NRXN1: variants seen among roughly 807,000 people sequenced by gnomAD.
The protein encoded by NRXN1 is neurexin 1.
NRXN1 carries 39 observed loss-of-function variants against 150.9 expected under a neutral mutation model. The observed-to-expected ratio is 0.26, with a 90% CI of 0.20 to 0.34. The LOEUF is 0.34. NRXN1 is among the 10% of genes least tolerant of loss of function. The pLI is 1.00. For missense variants in NRXN1, 1,815 were observed against 1,949.9 expected, an observed-to-expected ratio of 0.93 and a Z score of 1.30; for synonymous variants, 924 against 757.0, an observed-to-expected ratio of 1.22 and a Z score of -3.62.
chr2:50,166,953 C>G (rs2059725630), intron 18 of NRXN1, among the ~76,000 whole-genome samples: 1 of 152,094 alleles, frequency 6.6e-6, no homozygotes, highest in Admixed American at 6.6e-5. Context: ...AGGATGGAGG[C>G]TCGGCACCAA....
intron 17 of NRXN1, among the ~76,000 whole-genome samples, chr2:50,364,818 A>T (rs1458663688): frequency 1.3e-5 from 2 of 151,994 alleles, no homozygotes; most frequent in East Asian, 3.9e-4. Flanking sequence ...ATTAGATAGT[A>T]CCCTCTTTTG....
intron 17 of NRXN1, among the ~76,000 whole-genome samples, chr2:50,303,406 C>G (rs1042879083): frequency 6.6e-6 from 1 of 152,130 alleles, no homozygotes; most frequent in Non-Finnish European, 1.5e-5. Flanking sequence ...TTAATTGAAA[C>G]TCATGTAAGT....
At chr2:50,460,659 C>A (rs940774208) in intron 17 of NRXN1, among the ~76,000 whole-genome samples, 1 of 152,044 alleles carries the variant, frequency 6.6e-6, no homozygotes, top group African/African-American at 2.4e-5. Flanking sequence ...TTACATTTCT[C>A]TGTCATACAT....
rs2088727727 is a variant in NRXN1, at chr2:50,465,482, G to C, written c.3324C>G (p.Asp1108Glu). ...CLQQWDGFSC[D>E]CSMTSFSGPL... is the part of the protein sequence containing the mutation. ...GTCCACTGAAGGAAGTCATACTACA[G>C]TCACAGCTGAAGCCATCCCATTGTT... The change falls in exon 17 of 23, where the codon GAC becomes GAG. Residue 1108 changes from aspartate to glutamate, a missense_variant. Around this residue, in one of 6 missense-constraint regions of NRXN1, gnomAD observed 339 missense variants for 440.3 expected, o/e 0.77. Transcript: ENST00000401669. The C allele has an allele frequency of 6.2e-7, 1 of 1,610,700 alleles. No individual in the cohort carries two copies. The highest frequency in any genetic ancestry group is 8.5e-7 in the Non-Finnish European group (1 of 1,178,034).
chr2:50,256,320 A>T (rs549596365), intron 17 of NRXN1, among the ~76,000 whole-genome samples: 34 of 152,274 alleles, frequency 2.2e-4, no homozygotes, highest in Non-Finnish European at 1.6e-4. Context: ...GCATTAGAAC[A>T]ATAGTTGGTT....
At chr2:50,088,757 A>AT (rs1180390735) in intron 19 of NRXN1, among the ~76,000 whole-genome samples, 3 of 148,266 alleles carry the variant, frequency 2.0e-5, no homozygotes, top group Non-Finnish European at 2.9e-5. Context: ...ATGTACAAAT[A>AT]TTTTTTTCAA....
chr2:50,241,228 AAT>A (rs1196606496), intron 17 of NRXN1, among the ~76,000 whole-genome samples: 1 of 151,468 alleles, frequency 6.6e-6, no homozygotes, highest in African/African-American at 2.4e-5. Context: ...CAAAAAAAAA[AAT>A]CACTTGACCA....
intron 21 of NRXN1, among the ~76,000 whole-genome samples, chr2:50,038,703 TA>T (rs1317106315): frequency 1.3e-5 from 2 of 152,070 alleles, no homozygotes; most frequent in African/African-American, 4.8e-5. Flanking sequence ...AATAACCACC[TA>T]AAATATAGAA....
intron 9 of NRXN1, among the ~76,000 whole-genome samples, chr2:50,542,942 T>G (rs1322850759): frequency 6.6e-6 from 1 of 152,256 alleles, no homozygotes; most frequent in African/African-American, 2.4e-5. Context: ...GTGTGCTTAT[T>G]TTATTAAAAT....
intron 2 of NRXN1, among the ~76,000 whole-genome samples, chr2:50,939,592 CAAGAATAAGCAAGGTATTT>C (rs1558457250): frequency 6.6e-6 from 1 of 151,970 alleles, no homozygotes; most frequent in Non-Finnish European, 1.5e-5. Flanking sequence ...TGATAAACTT[CAAGAATAAGCAAGGTATTT>C]AAGATGGCAT....
At chr2:49,929,630 C>A (rs1336427547) in intron 22 of NRXN1, among the ~76,000 whole-genome samples, 2 of 152,146 alleles carry the variant, frequency 1.3e-5, no homozygotes, top group African/African-American at 2.4e-5. Context: ...AAGAGTTCAA[C>A]CTTTATGCCT....
At chr2:50,699,125 G>A (rs1693371957) in intron 5 of NRXN1, among the ~76,000 whole-genome samples, 1 of 152,112 alleles carries the variant, frequency 6.6e-6, no homozygotes, top group Non-Finnish European at 1.5e-5. Context: ...CAAAATGATA[G>A]CAGGATCTAG....
intron 20 of NRXN1, among the ~76,000 whole-genome samples, chr2:50,054,365 A>G (rs1222441622): frequency 6.6e-6 from 1 of 152,178 alleles, no homozygotes; most frequent in Non-Finnish European, 1.5e-5. Flanking sequence ...CATTATCATC[A>G]AATTGAGTAT....
intron 5 of NRXN1, among the ~76,000 whole-genome samples, chr2:50,828,438 G>A (rs1266752025): frequency 1.6e-4 from 25 of 151,612 alleles, no homozygotes; most frequent in African/African-American, 2.4e-4. Context: ...CAGACGGGGC[G>A]GCTGCCGGGC....
At chr2:50,034,579 T>C (rs895586318) in intron 21 of NRXN1, among the ~76,000 whole-genome samples, 1 of 151,880 alleles carries the variant, frequency 6.6e-6, no homozygotes, top group African/African-American at 2.4e-5. Context: ...ATAGTCTGTA[T>C]AACCAACCCC....
intron 5 of NRXN1, among the ~76,000 whole-genome samples, chr2:50,877,702 T>C (rs537624126): frequency 4.6e-5 from 7 of 152,086 alleles, no homozygotes; most frequent in African/African-American, 1.7e-4. Flanking sequence ...GTAATATGCA[T>C]GTGAAGAGTT....
At chr2:50,900,186 C>T (rs1259483280) in intron 5 of NRXN1, among the ~76,000 whole-genome samples, 1 of 152,186 alleles carries the variant, frequency 6.6e-6, no homozygotes, top group African/African-American at 2.4e-5. Flanking sequence ...TCAGTTTCCC[C>T]TTTGTGACAG....
chr2:50,337,404 T>C (rs1037380293), intron 17 of NRXN1, among the ~76,000 whole-genome samples: 4 of 152,166 alleles, frequency 2.6e-5, no homozygotes, highest in Non-Finnish European at 4.4e-5. Context: ...GACTTTCTAA[T>C]TGGCCTGCTT....
intron 22 of NRXN1, among the ~76,000 whole-genome samples, chr2:49,929,520 T>C (rs192499919): frequency 4.6e-5 from 7 of 152,260 alleles, no homozygotes; most frequent in South Asian, 2.1e-4. Context: ...TGGCCATTCA[T>C]AGTCTGTTCA....
Sources: gnomAD v4.1 joint callset for allele counts (sites outside exome capture counted in the v4.1 genomes callset) on GRCh38, gnomAD v4.1.1 for gene constraint, gnomAD v4.1.1 regional missense constraint, MANE v1.5 for transcripts, NCBI Gene and HGNC (gene_info 2026-07-23, HGNC 2026-07-21) for gene names.